Variants in SUMF1 observed in about 807,000 individuals in gnomAD.
SUMF1 encodes the protein formylglycine-generating enzyme.
In SUMF1, 48 loss-of-function variants were observed where a neutral mutation model predicts 47.6. That is an observed-to-expected ratio of 1.01 (90% CI 0.80 to 1.28). The LOEUF is 1.28. Ranked by LOEUF, SUMF1 falls within the 50% of genes most tolerant of loss-of-function variation. SUMF1 has a pLI of 0.00. For missense variants in SUMF1, 571 were observed against 485.4 expected (o/e 1.18, Z -1.66); for synonymous variants, 230 against 192.1 (o/e 1.20, Z -1.63).
chr3:4,275,857 C>G (rs375981332), intron 8 of SUMF1, among the ~76,000 whole-genome samples: 1 of 152,142 alleles, frequency 6.6e-6, no homozygotes, highest in African/African-American at 2.4e-5. Flanking sequence ...AGCAGAAGCA[C>G]GAGCTTTAGA....
At chr3:4,110,848 TG>T (rs1443680804) in intron 8 of SUMF1, among the ~76,000 whole-genome samples, 2 of 61,176 alleles carry the variant, frequency 3.3e-5, no homozygotes, top group South Asian at 7.1e-4. Context: ...TGTTGTGGGG[TG>T]GGGGGAGGGG....
rs1434671389 is a variant in SUMF1, at chr3:4,103,266, G to T, written c.1015-34521C>A. Among the ~76,000 whole-genome samples, 109 of 151,866 alleles carry T rather than the reference G, an allele frequency of 7.2e-4. 1 individual carries two copies. Among genetic ancestry groups the T allele is most frequent in the Non-Finnish European group, 2.1e-4 (14 of 67,948 alleles). Reference sequence around the variant, plus strand: ...AAAAAAAAGAAAGAAAAAAGATTATGTTTCTCCTCAAAAAGCTTCTGACCT... The same window carrying T: ...AAAAAAAAGAAAGAAAAAAGATTATTTTTCTCCTCAAAAAGCTTCTGACCT... On this transcript the variant is annotated intron_variant and NMD_transcript_variant, in intron 8 of 12. Transcript: ENST00000448413.
chr3:4,142,574 T>C (rs1694096872), intron 8 of SUMF1, among the ~76,000 whole-genome samples: 1 of 152,168 alleles, frequency 6.6e-6, no homozygotes. Flanking sequence ...CGATAGTACC[T>C]AACACAAACA....
intron 8 of SUMF1, among the ~76,000 whole-genome samples, chr3:4,350,536 G>A (rs1699478114): frequency 6.6e-6 from 1 of 152,020 alleles, no homozygotes; most frequent in Non-Finnish European, 1.5e-5. Context: ...ACAGAATGAG[G>A]AGCTTCTATA....
At chr3:4,107,459 T>G (rs893178164) in intron 8 of SUMF1, among the ~76,000 whole-genome samples, 1 of 152,128 alleles carries the variant, frequency 6.6e-6, no homozygotes, top group Non-Finnish European at 1.5e-5. Flanking sequence ...AAGTTGAGAC[T>G]GATATCCATG....
intron 8 of SUMF1, among the ~76,000 whole-genome samples, chr3:4,124,432 C>T (rs1028827133): frequency 2.0e-5 from 3 of 152,124 alleles, no homozygotes; most frequent in African/African-American, 4.8e-5. Flanking sequence ...AGTCAGACTT[C>T]GTTTCCTCCC....
chr3:4,159,140 C>T (rs1366576225), intron 8 of SUMF1, among the ~76,000 whole-genome samples: 1 of 151,230 alleles, frequency 6.6e-6, no homozygotes, highest in Admixed American at 6.6e-5. Context: ...TTACTATTAC[C>T]AGTAAGGTTT....
At position 4,284,459 on chromosome 3, in the gene SUMF1, GAGGAGGAGGAGGAGA is replaced by G. The variant is rs1486538242; in HGVS notation, c.1014+91856_1014+91870del. On this transcript the variant is annotated intron_variant and NMD_transcript_variant, in intron 8 of 12. Coordinates refer to the SUMF1 transcript ENST00000448413. The stretch of plus-strand genomic sequence containing the variant: ...AAAATGAAAGGAGGAGGAGGAGGAG[GAGGAGGAGGAGGAGA>G]AGGAGGAGGAGGAGGAGAGAAAGTA... 8.9e-3 allele frequency among the ~76,000 whole-genome samples: 1,282 copies of G among 144,852 alleles called. 46 individuals are homozygous for G. The highest frequency in any genetic ancestry group is 0.026 in the South Asian group (120 of 4,538).
chr3:4,294,228 G>A (rs1440335399), intron 8 of SUMF1, among the ~76,000 whole-genome samples: 1 of 152,060 alleles, frequency 6.6e-6, no homozygotes, highest in East Asian at 1.9e-4. Context: ...AATTAAAATT[G>A]ATAAATTTGA....
chr3:4,444,138 T>C (rs1233264252), intron 3 of SUMF1, among the ~76,000 whole-genome samples: 2 of 152,188 alleles, frequency 1.3e-5, no homozygotes, highest in African/African-American at 4.8e-5. Flanking sequence ...TCAATAGCAA[T>C]GCTTTATTCC....
At chr3:4,423,277 G>A (rs1457580639) in intron 3 of SUMF1, among the ~76,000 whole-genome samples, 2 of 89,888 alleles carry the variant, frequency 2.2e-5, no homozygotes, top group African/African-American at 9.3e-5. Flanking sequence ...AAGAAACTGT[G>A]ATACACACAC....
chr3:4,096,163 T>C (rs753033411), intron 8 of SUMF1, among the ~76,000 whole-genome samples: 5 of 152,276 alleles, frequency 3.3e-5, no homozygotes, highest in Non-Finnish European at 5.9e-5. Flanking sequence ...CTCAATATGC[T>C]TGTGAGATAG....
chr3:4,444,204 G>A (rs879424104), intron 3 of SUMF1, among the ~76,000 whole-genome samples: 1 of 152,166 alleles, frequency 6.6e-6, no homozygotes, highest in Non-Finnish European at 1.5e-5. Flanking sequence ...GTGAACCAAA[G>A]ATTTCATATC....
chr3:4,255,649 ACC>A (rs1460392147), intron 8 of SUMF1, among the ~76,000 whole-genome samples: 2,390 of 135,460 alleles, frequency 0.018, 30 homozygotes, highest in Non-Finnish European at 0.022. Context: ...GACTTAGACT[ACC>A]ACACATTAAT....
At chr3:4,076,721 C>G (rs533631059) in intron 8 of SUMF1, among the ~76,000 whole-genome samples, 2 of 152,056 alleles carry the variant, frequency 1.3e-5, no homozygotes, top group African/African-American at 4.8e-5. Context: ...AGACACTGGC[C>G]GGGCGTGGTG....
intron 8 of SUMF1, among the ~76,000 whole-genome samples, chr3:4,134,537 C>A (rs932219254): frequency 6.6e-6 from 1 of 151,826 alleles, no homozygotes; most frequent in African/African-American, 2.4e-5. Flanking sequence ...AAATTGACAC[C>A]CTAACATCAC....
intron 8 of SUMF1, among the ~76,000 whole-genome samples, chr3:4,274,262 A>G (rs1160651879): frequency 6.6e-6 from 1 of 152,138 alleles, no homozygotes; most frequent in Non-Finnish European, 1.5e-5. Flanking sequence ...TTCCCTTTTC[A>G]AGATTGCCCT....
chr3:4,158,551 T>A (rs905269254), intron 8 of SUMF1, among the ~76,000 whole-genome samples: 5 of 151,542 alleles, frequency 3.3e-5, no homozygotes, highest in Non-Finnish European at 7.4e-5. Context: ...GGTGTTGAAG[T>A]CTCTAGCTAT....
In SUMF1 at chr3:4,456,696, A is replaced by G. The variant is rs1261196327; in HGVS notation, c.271-3647T>C. On this transcript the variant is annotated intron_variant, in intron 1 of 8. Coordinates refer to ENST00000272902, the MANE Select transcript of SUMF1 (RefSeq NM_182760.4). The stretch of plus-strand genomic sequence containing the variant: ...TACGTGTATATATATATGTGTGTAT[A>G]TATATATACGTATATATATACATAT... Among the ~76,000 whole-genome samples the G allele has an allele frequency of 9.3e-3, 1,260 of 135,964 alleles. 74 individuals carry two copies. The highest frequency in any genetic ancestry group is 0.035 in the African/African-American group (1,219 of 35,154). The allele number at this position is 135,964 out of a possible 152,430, so 89.2% of individuals were successfully genotyped here. A position where few individuals can be genotyped will look rare whatever the true frequency, so the allele number is the denominator to read the frequency against.
Sources: allele counts gnomAD v4.1 joint callset (sites outside exome capture counted in the v4.1 genomes callset), GRCh38; gene constraint gnomAD v4.1.1; transcripts MANE v1.5; gene names NCBI Gene and HGNC (gene_info 2026-07-23, HGNC 2026-07-21).